Variants in HAPLN1 observed in about 807,000 individuals in gnomAD.
HAPLN1 encodes hyaluronan and proteoglycan link protein 1, also known as Cartilage link protein.
HAPLN1 carries 13 observed loss-of-function variants against 36.5 expected under a neutral mutation model. That is an observed-to-expected ratio of 0.36 (90% CI 0.23 to 0.57). The LOEUF (loss-of-function observed/expected upper bound fraction) is 0.57, where lower values mean the gene tolerates loss of function less well. Ranked by LOEUF, HAPLN1 falls within the 20% of genes least tolerant of loss-of-function variation. The pLI, the probability that HAPLN1 is intolerant of heterozygous loss-of-function variation, is 0.83. For synonymous variants in HAPLN1, 202 were observed against 169.8 expected (o/e 1.19, Z -1.48); for missense variants, 407 against 439.7 (o/e 0.93, Z 0.66).
At position 83,658,313 on chromosome 5, in the gene HAPLN1, C is replaced by T. The variant is rs549313616; in HGVS notation, c.101-5489G>A. 3.9e-5 allele frequency among the ~76,000 whole-genome samples: 6 copies of T among 152,116 alleles called. No homozygotes were observed. In the South Asian group the frequency reaches 1.2e-3, roughly 31 times the overall value. On this transcript the variant is annotated intron_variant, in intron 2 of 4. Coordinates refer to ENST00000274341, the MANE Select transcript of HAPLN1 (RefSeq NM_001884.4). ...CTTACCATGGTCTATTGCAAACAAT[C>T]ACTCTGCCTTGTTTATGTTGTTTCT...
intron 2 of HAPLN1, among the ~76,000 whole-genome samples, chr5:83,668,971 G>T: frequency 6.6e-6 from 1 of 152,226 alleles, no homozygotes; most frequent in Admixed American, 6.5e-5. Flanking sequence ...TAAACTTCTG[G>T]CAATTCCTTA....
chr5:83,664,370 T>G (rs192873367), intron 2 of HAPLN1, among the ~76,000 whole-genome samples: 1 of 152,216 alleles, frequency 6.6e-6, no homozygotes, highest in Admixed American at 6.5e-5. Context: ...CTCACAACCT[T>G]TTTTTCCCTT....
Position 83,641,905 on chromosome 5 carries a change from A to G in HAPLN1, c.776-120T>C. 5.6e-6 allele frequency: 6 copies of G among 1,067,778 alleles called. No homozygotes were observed. The South Asian group carries it at 9.3e-5, about 17-fold the overall frequency. 66.1% of individuals were successfully genotyped at this position (1,067,778 alleles called of 1,614,324 possible). A position where few individuals can be genotyped will look rare whatever the true frequency, so the allele number is the denominator to read the frequency against. On this transcript the variant is annotated intron_variant, in intron 4 of 4. Coordinates refer to ENST00000274341, the MANE Select transcript of HAPLN1 (RefSeq NM_001884.4). ...GGGGATATAGAGCAATGTTTGTAAA[A>G]TTTTGGGAACATAGAAATGTCAATT...
At chr5:83,704,378 T>A (rs1433542834) in intron 1 of HAPLN1, among the ~76,000 whole-genome samples, 1 of 152,092 alleles carries the variant, frequency 6.6e-6, no homozygotes, top group Non-Finnish European at 1.5e-5. Flanking sequence ...GCTAACAACA[T>A]GACAGGATCA....
At chr5:83,647,408 C>CA (rs1749907240) in intron 3 of HAPLN1, among the ~76,000 whole-genome samples, 1 of 152,138 alleles carries the variant, frequency 6.6e-6, no homozygotes, top group Non-Finnish European at 1.5e-5. Context: ...ATGCTTTACT[C>CA]AAAGTTTTAA....
intron 1 of HAPLN1, among the ~76,000 whole-genome samples, chr5:83,678,581 C>T (rs1750917422): frequency 6.6e-6 from 1 of 152,136 alleles, no homozygotes; most frequent in African/African-American, 2.4e-5. Flanking sequence ...GCAGGACTGG[C>T]AGTGCAGGTC....
In HAPLN1 at chr5:83,638,909, T is replaced by G. The variant is rs1234725095; in HGVS notation, c.*2587A>C. On this transcript the variant is annotated 3_prime_UTR_variant, in exon 5 of 5. Coordinates refer to ENST00000274341, the MANE Select transcript of HAPLN1 (RefSeq NM_001884.4). The stretch of plus-strand genomic sequence containing the variant: ...GTCTCAGTGAAATGTGCAGATATAC[T>G]TTGTTCCTTATATGGTCACCAGTGT... The G allele has an allele frequency of 6.6e-6, 1 of 152,034 alleles. No individual in the cohort carries two copies. The highest frequency in any genetic ancestry group is 1.9e-4 in the East Asian group (1 of 5,194). 9.4% of individuals were successfully genotyped at this position (152,034 alleles called of 1,614,324 possible).
intron 2 of HAPLN1, among the ~76,000 whole-genome samples, chr5:83,655,517 G>GGTGTGTGTGTGT (rs60890807): frequency 6.8e-6 from 1 of 147,774 alleles, no homozygotes; most frequent in Admixed American, 6.8e-5. Flanking sequence ...TTCACTTTGG[G>GGTGTGTGTGTGT]GTGTGTGTGT....
At position 83,641,685 on chromosome 5, in the gene HAPLN1, T is replaced by A; in HGVS notation, c.876A>T (p.Ile292=). The A allele has an allele frequency of 6.2e-7, 1 of 1,614,168 alleles. No individual in the cohort carries two copies. The highest frequency in any genetic ancestry group is 8.5e-7 in the Non-Finnish European group (1 of 1,180,026). The change falls in exon 5 of 5, where the codon ATA becomes ATT. Residue 292 remains isoleucine, a synonymous_variant. Transcript: ENST00000274341. ...ATCCGAGAATTTTCCAGGCAGCAAA[T>A]ATCTGGCCCACTTTTGCAATCTGAG... ...DGAQIAKVGQ[I]FAAWKILGYD... is the part of the protein sequence containing the mutation.
chr5:83,641,409 G>A lies in HAPLN1; in HGVS notation c.*87C>T. On this transcript the variant is annotated 3_prime_UTR_variant, in exon 5 of 5. Transcript: ENST00000274341. ...GTAAAAAAGGGTTATCACAGTTTTG[G>A]TAACTTGCATGAGTTCATATTGGAA... The A allele has an allele frequency of 8.0e-7, 1 of 1,247,054 alleles. No homozygotes were observed. The highest frequency in any genetic ancestry group is 1.7e-5 in the South Asian group (1 of 59,820). 77.2% of individuals were successfully genotyped at this position (1,247,054 alleles called of 1,614,324 possible). A position where few individuals can be genotyped will look rare whatever the true frequency, so the allele number is the denominator to read the frequency against.
intron 1 of HAPLN1, among the ~76,000 whole-genome samples, chr5:83,700,869 C>T (rs1421604235): frequency 6.6e-6 from 1 of 152,034 alleles, no homozygotes. Flanking sequence ...ATGATTAATG[C>T]CTTCTATTTT....
rs546442690 is a variant in HAPLN1 at position 83,661,196 on chromosome 5, T to C, written c.101-8372A>G. On this transcript the variant is annotated intron_variant, in intron 2 of 4. Transcript: ENST00000274341. ...CTTTCCACCTATGCCTATGTCTTTG[T>C]CATCTATATCTATATCTATATCTAT... is the stretch of plus-strand genomic sequence containing the variant. Among the ~76,000 whole-genome samples, 40 of 123,690 alleles carry C rather than the reference T, an allele frequency of 3.2e-4. No individual in the cohort carries two copies. In the East Asian group the frequency reaches 4.9e-3, roughly 15 times the overall value. 81.1% of individuals were successfully genotyped at this position (123,690 alleles called of 152,430 possible). A position where few individuals can be genotyped will look rare whatever the true frequency, so the allele number is the denominator to read the frequency against.
At chr5:83,669,454 G>C (rs1036926973) in intron 2 of HAPLN1, among the ~76,000 whole-genome samples, 3 of 152,122 alleles carry the variant, frequency 2.0e-5, no homozygotes, top group Non-Finnish European at 4.4e-5. Context: ...AGCCAAGATT[G>C]AGCCATTGTA....
rs367995951 is a variant in HAPLN1, at chr5:83,641,469, T to C, written c.*27A>G. 8.4e-6 allele frequency: 13 copies of C among 1,548,662 alleles called. No homozygotes were observed. In the African/African-American group the frequency reaches 1.8e-4, roughly 21 times the overall value. On this transcript the variant is annotated 3_prime_UTR_variant, in exon 5 of 5. Coordinates refer to ENST00000274341, the MANE Select transcript of HAPLN1 (RefSeq NM_001884.4). ...ACCTTTCACATGTTCTTAATGACTT[T>C]AAAACTGATGCGCTCTAAGGGCACA...
intron 1 of HAPLN1, among the ~76,000 whole-genome samples, chr5:83,694,753 C>T (rs1751353366): frequency 6.6e-6 from 1 of 151,998 alleles, no homozygotes. Flanking sequence ...TTTAAAAATT[C>T]CCATGAATAA....
Position 83,647,686 on chromosome 5 carries a change from G to A in HAPLN1, c.473-3021C>T, listed in dbSNP as rs534831630. On this transcript the variant is annotated intron_variant, in intron 3 of 4. Transcript: ENST00000274341. ...AAAAAAAAGTTAAACTTTTATGGAT[G>A]GGAAAGAAGGTGGTATGATTGTCCA... Among the ~76,000 whole-genome samples, 11 of 152,228 alleles carry A rather than the reference G, an allele frequency of 7.2e-5. No homozygotes were observed. The East Asian group carries it at 2.1e-3, about 29-fold the overall frequency.
intron 2 of HAPLN1, among the ~76,000 whole-genome samples, chr5:83,671,243 A>G (rs1250170849): frequency 3.3e-5 from 5 of 152,224 alleles, no homozygotes; most frequent in Non-Finnish European, 5.9e-5. Context: ...GTACAAAAAT[A>G]GAAATCTAAT....
At chr5:83,686,726 C>A (rs1751137103) in intron 1 of HAPLN1, among the ~76,000 whole-genome samples, 1 of 152,138 alleles carries the variant, frequency 6.6e-6, no homozygotes, top group African/African-American at 2.4e-5. Context: ...TTGGAGGCAG[C>A]AAGTGAATTT....
chr5:83,644,944 GTC>G (rs1213217462), intron 3 of HAPLN1, among the ~76,000 whole-genome samples: 2 of 152,126 alleles, frequency 1.3e-5, no homozygotes, highest in Non-Finnish European at 2.9e-5. Flanking sequence ...GAAGAGATCT[GTC>G]TACAGTTTAC....
Sources: gnomAD v4.1 joint callset for allele counts (sites outside exome capture counted in the v4.1 genomes callset) on GRCh38, gnomAD v4.1.1 for gene constraint, MANE v1.5 for transcripts, NCBI Gene and HGNC (gene_info 2026-07-23, HGNC 2026-07-21) for gene names.